BLTP1: variants seen among roughly 807,000 people sequenced by gnomAD.
The protein encoded by BLTP1 is bridge-like lipid transfer protein family member 1, also known as fragile site-associated protein.
At chr4:122,270,373 C>T in the BLTP1 span, 1 of 982,770 alleles carries the variant, frequency 1.0e-6, no homozygotes, top group Non-Finnish European at 1.2e-6. Flanking sequence ...GTGCTTGGGG[C>T]TTATTGTTAT....
At chr4:122,339,297 CGAG>C in the BLTP1 span, 9 of 1,613,528 alleles carry the variant, frequency 5.6e-6, no homozygotes, top group East Asian at 2.2e-5. Context: ...TTCTTCAAAC[CGAG>C]GAGAACTGGA....
the BLTP1 span, among the ~76,000 whole-genome samples, chr4:122,152,806 A>T: frequency 6.6e-6 from 1 of 152,294 alleles, no homozygotes; most frequent in East Asian, 1.9e-4. Context: ...TGGCAGTCGG[A>T]TGGCTGGGGA....
chr4:122,356,111 T>A, the BLTP1 span: 1 of 726,394 alleles, frequency 1.4e-6, no homozygotes, highest in South Asian at 2.5e-5. Context: ...CTAGGCAAAA[T>A]TGATTTATTT....
At chr4:122,353,994 A>T in the BLTP1 span, 4 of 1,613,554 alleles carry the variant, frequency 2.5e-6, no homozygotes, top group Non-Finnish European at 3.4e-6. The surrounding 1 kb of genome is among the most constrained non-coding windows in gnomAD (Gnocchi z 4.3). Flanking sequence ...TGGTTCAATT[A>T]TGTTACAGCT....
the BLTP1 span, chr4:122,224,554 C>G: frequency 6.2e-7 from 1 of 1,613,952 alleles, no homozygotes; most frequent in Non-Finnish European, 8.5e-7. Flanking sequence ...TGTCAGGTCT[C>G]CAGCTGAGAG....
the BLTP1 span, chr4:122,220,278 T>G: frequency 6.3e-7 from 1 of 1,578,802 alleles, no homozygotes; most frequent in Non-Finnish European, 8.6e-7. Flanking sequence ...TTTCCTATAC[T>G]TCCTTACTTT....
At chr4:122,344,714 G>C in the BLTP1 span, 1 of 1,227,512 alleles carries the variant, frequency 8.1e-7, no homozygotes, top group Non-Finnish European at 1.1e-6. Flanking sequence ...CTACGGTACT[G>C]TGTCAATCCA....
chr4:122,292,818 G>T, the BLTP1 span: 1 of 170,810 alleles, frequency 5.9e-6, no homozygotes, highest in African/African-American at 2.4e-5. Context: ...ACTAATGGAG[G>T]TCCTCTTGGT....
chr4:122,347,597 AC>A, the BLTP1 span: 1 of 1,613,858 alleles, frequency 6.2e-7, no homozygotes, highest in Non-Finnish European at 8.5e-7. Flanking sequence ...AGAAAAGCTT[AC>A]TGCAAGACCT....
chr4:122,222,490 A>G, the BLTP1 span, among the ~76,000 whole-genome samples: 1 of 152,214 alleles, frequency 6.6e-6, no homozygotes, highest in Non-Finnish European at 1.5e-5. Context: ...GCTAGGTGAC[A>G]TAAAAGAACA....
At chr4:122,152,653 A>C in the BLTP1 span, 9 of 983,574 alleles carry the variant, frequency 9.2e-6, no homozygotes, top group Non-Finnish European at 1.1e-5. Flanking sequence ...TCTGGAACTC[A>C]ACCTGGTCGG....
the BLTP1 span, chr4:122,355,661 TATATC>T: frequency 1.5e-6 from 1 of 661,350 alleles, no homozygotes; most frequent in African/African-American, 1.9e-5. Flanking sequence ...ATATATGTAG[TATATC>T]TATATATAAT....
the BLTP1 span, chr4:122,200,273 C>G: frequency 1.0e-6 from 1 of 985,228 alleles, no homozygotes. Flanking sequence ...GGCAGCTTTT[C>G]CCTTTGCAGA....
chr4:122,352,416 G>A, the BLTP1 span, among the ~76,000 whole-genome samples: 74 of 141,470 alleles, frequency 5.2e-4, no homozygotes, highest in South Asian at 4.4e-3. Context: ...CTGGAGTGCA[G>A]TGGCACGATC....
At chr4:122,188,041 A>C in the BLTP1 span, 3 of 1,578,398 alleles carry the variant, frequency 1.9e-6, no homozygotes, top group Non-Finnish European at 2.6e-6. Context: ...AAAATGTTCG[A>C]GTCATGCTTG....
the BLTP1 span, chr4:122,237,664 A>G: frequency 1.3e-6 from 1 of 750,156 alleles, no homozygotes; most frequent in Non-Finnish European, 1.6e-6. Flanking sequence ...TTATGTAGAT[A>G]TATTTCTAAA....
chr4:122,355,652 T>C, the BLTP1 span: 3 of 544,318 alleles, frequency 5.5e-6, no homozygotes, highest in Non-Finnish European at 8.5e-6. Context: ...TATACATAGA[T>C]ATATGTAGTA....
chr4:122,287,802 C>A, the BLTP1 span: 1 of 637,204 alleles, frequency 1.6e-6, no homozygotes, highest in Non-Finnish European at 2.0e-6. Flanking sequence ...TGTTCAGATT[C>A]TAACAAGTCA....
the BLTP1 span, chr4:122,171,897 C>G: frequency 1.0e-6 from 1 of 985,170 alleles, no homozygotes; most frequent in East Asian, 1.1e-4. Flanking sequence ...GAAAAGACTA[C>G]GATTCCTGGC....
Sources: gnomAD v4.1 joint callset for allele counts (sites outside exome capture counted in the v4.1 genomes callset) on GRCh38, gnomAD v4.1.1 for gene constraint, Gnocchi (gnomAD v3.1) non-coding constraint, MANE v1.5 for transcripts, NCBI Gene and HGNC (gene_info 2026-07-23, HGNC 2026-07-21) for gene names.